The following CELF2 variants were observed in gnomAD, a reference collection of about 807,000 sequenced individuals.
CELF2 encodes CUGBP Elav-like family member 2, also known as CUG triplet repeat RNA-binding protein 2.
In CELF2, 8 loss-of-function variants were observed where a neutral mutation model predicts 62.6. The observed-to-expected ratio is 0.13, with a 90% confidence interval of 0.07 to 0.23. CELF2 has a LOEUF of 0.23. CELF2 is among the 10% of genes least tolerant of loss of function. The pLI, the probability that CELF2 is intolerant of heterozygous loss-of-function variation, is 1.00. For missense variants in CELF2, 333 were observed against 671.0 expected, an observed-to-expected ratio of 0.50 and a Z score of 5.56; for synonymous variants, 258 against 250.0, an observed-to-expected ratio of 1.03 and a Z score of -0.30.
At position 11,110,324 on chromosome 10, in the gene CELF2, A is replaced by G. The variant is rs142538290; in HGVS notation, c.75-55162A>G. The stretch of plus-strand genomic sequence containing the variant: ...TTTTCTAGCTACATTACATCTTTAG[A>G]TGTATTACTAGAGTGTGATTTTCTG... On this transcript the variant is annotated intron_variant, in intron 1 of 12. Coordinates refer to ENST00000633077, the MANE Select transcript of CELF2 (RefSeq NM_001326342.2). The surrounding 1 kb of genome is among the most constrained non-coding windows in gnomAD (Gnocchi z 4.0). Among the ~76,000 whole-genome samples the G allele has an allele frequency of 6.6e-6, 1 of 152,276 alleles. No homozygotes were observed. The highest frequency in any genetic ancestry group is 2.4e-5 in the African/African-American group (1 of 41,550).
chr10:10,598,695 C>T, the CELF2 span, among the ~76,000 whole-genome samples: 5 of 149,192 alleles, frequency 3.4e-5, no homozygotes, highest in Non-Finnish European at 7.4e-5. Flanking sequence ...TATGGGATTT[C>T]ACCAACATTT....
At chr10:11,093,049 T>C (rs1025208347) in intron 1 of CELF2, among the ~76,000 whole-genome samples, 14 of 152,362 alleles carry the variant, frequency 9.2e-5, no homozygotes, top group Middle Eastern at 3.4e-3. Context: ...ACGTCTTGAT[T>C]GGCATCAGTC....
the CELF2 span, among the ~76,000 whole-genome samples, chr10:10,515,180 C>G: frequency 6.6e-6 from 1 of 152,154 alleles, no homozygotes; most frequent in Non-Finnish European, 1.5e-5. Context: ...GTGGGAACAC[C>G]GGACTCTACA....
At chr10:10,527,456 A>AT in the CELF2 span, among the ~76,000 whole-genome samples, 17,364 of 151,282 alleles carry the variant, frequency 0.11, 1,159 homozygotes, top group Middle Eastern at 0.23. Context: ...CAAAAAAAAA[A>AT]AAAAAAGTAA....
chr10:11,241,053 C>T (rs2073709608), intron 3 of CELF2, among the ~76,000 whole-genome samples: 1 of 152,144 alleles, frequency 6.6e-6, no homozygotes, highest in Non-Finnish European at 1.5e-5. Flanking sequence ...TGTCAAAATT[C>T]AGTTAATGAC....
At chr10:10,548,818 A>T in the CELF2 span, among the ~76,000 whole-genome samples, 1 of 152,206 alleles carries the variant, frequency 6.6e-6, no homozygotes, top group Admixed American at 6.5e-5. Flanking sequence ...GCTATATTTA[A>T]TGATTGGTAG....
At chr10:11,226,512 C>T (rs2066592398) in intron 3 of CELF2, among the ~76,000 whole-genome samples, 1 of 152,182 alleles carries the variant, frequency 6.6e-6, no homozygotes, top group South Asian at 2.1e-4. Flanking sequence ...AACAGCAGGA[C>T]CATGACAGTT....
chr10:11,004,422 C>CGTGTGT (rs10676789), upstream of CELF2, among the ~76,000 whole-genome samples: 434 of 148,584 alleles, frequency 2.9e-3, 3 homozygotes, highest in African/African-American at 0.01. The surrounding 1 kb of genome is among the most constrained non-coding windows in gnomAD (Gnocchi z 5.0). Flanking sequence ...TGTGCGCGCG[C>CGTGTGT]GTGTGTGTGT....
In CELF2 at chr10:10,927,348, A is replaced by AAAAAAAAAAAC. The variant is rs1248006370; in HGVS notation, c.89+7359_89+7360insCAAAAAAAAAA. 1.5e-3 allele frequency: 208 copies of AAAAAAAAAAAC among 140,310 alleles called. 1 individual carries two copies. Among genetic ancestry groups the AAAAAAAAAAAC allele is most frequent in the Non-Finnish European group, 2.5e-3 (166 of 65,560 alleles). The allele number at this position is 140,310 out of a possible 1,614,324, so 8.7% of individuals were successfully genotyped here. On this transcript the variant is annotated intron_variant, in intron 2 of 13. Coordinates refer to the CELF2 transcript ENST00000636488. ...CTCAAAGGAGAACCTAGTGACATTA[A>AAAAAAAAAAAC]AAAAAAAAAAAAAAAAAACACCTTT...
the CELF2 span, among the ~76,000 whole-genome samples, chr10:10,623,296 A>C: frequency 2.0e-5 from 3 of 152,018 alleles, no homozygotes; most frequent in African/African-American, 7.2e-5. Context: ...TGTGTAATAA[A>C]CATGCGTCCA....
the CELF2 span, among the ~76,000 whole-genome samples, chr10:10,695,792 A>G: frequency 6.6e-6 from 1 of 151,854 alleles, no homozygotes; most frequent in South Asian, 2.1e-4. Flanking sequence ...CTTCCAGTTG[A>G]TCGCATCGGC....
At chr10:11,282,924 AC>A (rs770321840) in intron 8 of CELF2, among the ~76,000 whole-genome samples, 106 of 152,338 alleles carry the variant, frequency 7.0e-4, no homozygotes, top group Non-Finnish European at 1.3e-3. Context: ...CCTCTGGTGT[AC>A]AAGCACTTAA....
rs2095981097 is a variant in CELF2 at position 11,330,353 on chromosome 10, A to G, written c.*1300A>G. Reference sequence around the variant, plus strand: ...TGAATGGCTCGGAGACTCCCTAATGACCTAAGATTTGCATTAGTTTTTCTC... The same window carrying G: ...TGAATGGCTCGGAGACTCCCTAATGGCCTAAGATTTGCATTAGTTTTTCTC... On this transcript the variant is annotated 3_prime_UTR_variant, in exon 13 of 13. Coordinates refer to ENST00000633077, the MANE Select transcript of CELF2 (RefSeq NM_001326342.2). This position sits in a 1 kb window ranked among gnomAD's most constrained non-coding sequence, Gnocchi z 4.5. 1 of 152,480 alleles carries G rather than the reference A, an allele frequency of 6.6e-6. No individual in the cohort carries two copies. The highest frequency in any genetic ancestry group is 1.5e-5 in the Non-Finnish European group (1 of 68,024). 9.4% of individuals were successfully genotyped at this position (152,480 alleles called of 1,614,324 possible). A position where few individuals can be genotyped will look rare whatever the true frequency, so the allele number is the denominator to read the frequency against.
upstream of CELF2, among the ~76,000 whole-genome samples, chr10:10,795,289 A>C (rs1289045413): frequency 2.0e-5 from 3 of 150,996 alleles, no homozygotes; most frequent in Non-Finnish European, 4.4e-5. Context: ...GTGACTCTTT[A>C]AGAATCATTA....
chr10:11,038,512 C>G (rs971499481), intron 1 of CELF2, among the ~76,000 whole-genome samples: 1 of 152,152 alleles, frequency 6.6e-6, no homozygotes, highest in Non-Finnish European at 1.5e-5. Flanking sequence ...ACAGTGATTA[C>G]TCTTCTACCA....
chr10:10,826,449 CAATA>C (rs2057395467), intron 1 of CELF2, among the ~76,000 whole-genome samples: 1 of 152,160 alleles, frequency 6.6e-6, no homozygotes, highest in Non-Finnish European at 1.5e-5. Context: ...TTCAGATAAG[CAATA>C]AATAATTACT....
intron 11 of CELF2, among the ~76,000 whole-genome samples, chr10:11,322,842 A>G (rs2095515081): frequency 6.6e-6 from 1 of 152,084 alleles, no homozygotes; most frequent in Non-Finnish European, 1.5e-5. Context: ...ACCCTACATC[A>G]TAAACATCAC....
chr10:10,777,573 T>C, the CELF2 span, among the ~76,000 whole-genome samples: 1 of 152,174 alleles, frequency 6.6e-6, no homozygotes, highest in African/African-American at 2.4e-5. Context: ...ACTCAGATCC[T>C]TTCTCCTCTG....
intron 1 of CELF2, among the ~76,000 whole-genome samples, chr10:10,883,449 C>G (rs1394282101): frequency 6.6e-6 from 1 of 152,162 alleles, no homozygotes; most frequent in Non-Finnish European, 1.5e-5. Flanking sequence ...GCAGCTCTAA[C>G]AGATTCTTCA....
Sources: gnomAD v4.1 joint callset for allele counts (sites outside exome capture counted in the v4.1 genomes callset) on GRCh38, gnomAD v4.1.1 for gene constraint, Gnocchi (gnomAD v3.1) non-coding constraint, MANE v1.5 for transcripts, NCBI Gene and HGNC (gene_info 2026-07-23, HGNC 2026-07-21) for gene names.